GRIP1: variants seen among roughly 807,000 people sequenced by gnomAD.
GRIP1 encodes the protein glutamate receptor interacting protein 1, also known as glutamate receptor-interacting protein 1.
A neutral mutation model predicts 129.9 loss-of-function variants in GRIP1; 45 were observed. The ratio of observed to expected loss-of-function variants is 0.35; its 90% CI spans 0.27 to 0.44. GRIP1 has a LOEUF of 0.44. Ranked by LOEUF, GRIP1 falls within the 20% of genes least tolerant of loss-of-function variation. GRIP1 has a pLI of 1.00. For synonymous variants in GRIP1, 530 were observed against 520.8 expected (o/e 1.02, Z -0.24); for missense variants, 1,196 against 1,396.8 (o/e 0.86, Z 2.29).
chr12:66,425,339 A>T (rs1387770249), intron 14 of GRIP1, among the ~76,000 whole-genome samples: 2 of 152,142 alleles, frequency 1.3e-5, no homozygotes, highest in Non-Finnish European at 2.9e-5. Context: ...GCTGGAGAGG[A>T]TGTGGAGAAA....
intron 1 of GRIP1, among the ~76,000 whole-genome samples, chr12:66,837,257 C>T (rs1284366950): frequency 6.6e-6 from 1 of 152,140 alleles, no homozygotes; most frequent in Non-Finnish European, 1.5e-5. Flanking sequence ...ATCTTTGATG[C>T]CCTCACATTA....
intron 1 of GRIP1, among the ~76,000 whole-genome samples, chr12:66,948,593 A>G (rs910645769): frequency 3.3e-5 from 5 of 152,156 alleles, no homozygotes; most frequent in African/African-American, 1.2e-4. Flanking sequence ...GTGGCAAGAT[A>G]AGCTACTGTA....
chr12:66,483,907 T>C (rs1005467929), intron 7 of GRIP1, among the ~76,000 whole-genome samples: 4 of 151,720 alleles, frequency 2.6e-5, no homozygotes, highest in Admixed American at 6.6e-5. Flanking sequence ...TCGCCCAGGC[T>C]GGAGTGCAGT....
chr12:66,684,402 C>G (rs2034701677), intron 1 of GRIP1, among the ~76,000 whole-genome samples: 2 of 152,126 alleles, frequency 1.3e-5, no homozygotes, highest in African/African-American at 4.8e-5. Context: ...CTTTCTCTAC[C>G]CTTAAATGTC....
At chr12:66,357,953 G>C (rs2054571026) in intron 23 of GRIP1, among the ~76,000 whole-genome samples, 1 of 152,156 alleles carries the variant, frequency 6.6e-6, no homozygotes, top group Non-Finnish European at 1.5e-5. Context: ...GAGTGCAGTG[G>C]CACAATCTCG....
At chr12:66,756,374 C>G (rs1209075363) in intron 1 of GRIP1, among the ~76,000 whole-genome samples, 1 of 152,182 alleles carries the variant, frequency 6.6e-6, no homozygotes, top group Non-Finnish European at 1.5e-5. Flanking sequence ...TCGATCTTTG[C>G]TTCAGGGTAG....
intron 1 of GRIP1, among the ~76,000 whole-genome samples, chr12:66,833,174 C>T (rs1050788413): frequency 1.3e-5 from 2 of 152,182 alleles, no homozygotes; most frequent in East Asian, 3.9e-4. Flanking sequence ...GTGTTTGATT[C>T]AGTCTTGAGT....
At chr12:67,023,917 A>ATT (rs201735587) in intron 1 of GRIP1, among the ~76,000 whole-genome samples, 1 of 151,464 alleles carries the variant, frequency 6.6e-6, no homozygotes, top group African/African-American at 2.4e-5. Context: ...CTTTTCTTTG[A>ATT]TTTTTTTTCT....
intron 2 of GRIP1, among the ~76,000 whole-genome samples, chr12:66,594,197 A>G (rs1003586840): frequency 1.3e-5 from 2 of 152,076 alleles, no homozygotes; most frequent in Non-Finnish European, 2.9e-5. Flanking sequence ...AGAAGGTCAG[A>G]AACTAGTACA....
At chr12:66,535,178 C>A (rs944849242) in intron 4 of GRIP1, among the ~76,000 whole-genome samples, 1 of 152,102 alleles carries the variant, frequency 6.6e-6, no homozygotes, top group Non-Finnish European at 1.5e-5. Flanking sequence ...TCACTATTAG[C>A]CTTTGCCTAA....
intron 23 of GRIP1, among the ~76,000 whole-genome samples, chr12:66,368,952 C>T (rs368623680): frequency 3.3e-5 from 5 of 152,106 alleles, no homozygotes; most frequent in African/African-American, 1.2e-4. Flanking sequence ...GAACAGACAC[C>T]CAAGATGCGA....
intron 1 of GRIP1, among the ~76,000 whole-genome samples, chr12:66,888,222 AT>A (rs11375042): frequency 9.1e-6 from 1 of 110,090 alleles, no homozygotes; most frequent in African/African-American, 4.5e-5. Context: ...CACCCAGCTA[AT>A]TTTTTTTCAT....
Position 66,353,494 on chromosome 12 carries a change from C to G in GRIP1, c.3082G>C (p.Gly1028Arg). ...FSVADGLLEK[G>R]VYVKNIRPAG... ...GGGCGAATATTTTTGACATACACTC[C>G]TTTCTCCAGTAAGCCATCTGCTACA... The change falls in exon 24 of 25, where the codon GGA becomes CGA. Residue 1028 changes from glycine to arginine, a missense_variant. By Grantham distance (125) the Gly-to-Arg change is moderately radical. This residue lies in a region of GRIP1 where 427 missense variants were observed against 463.3 expected (regional missense o/e 0.92). Coordinates refer to ENST00000359742, the MANE Select transcript of GRIP1 (RefSeq NM_001366722.1). The G allele has an allele frequency of 6.2e-7, 1 of 1,613,076 alleles. No individual in the cohort carries two copies. The highest frequency in any genetic ancestry group is 8.5e-7 in the Non-Finnish European group (1 of 1,179,092).
chr12:66,857,879 A>C (rs2040035086), intron 1 of GRIP1, among the ~76,000 whole-genome samples: 1 of 152,028 alleles, frequency 6.6e-6, no homozygotes, highest in Admixed American at 6.6e-5. Context: ...AAGCTTATCA[A>C]GTGTGCAGAG....
chr12:66,447,795 A>C (rs1198100474), intron 11 of GRIP1, among the ~76,000 whole-genome samples: 2 of 152,148 alleles, frequency 1.3e-5, no homozygotes, highest in African/African-American at 4.8e-5. Flanking sequence ...AAGTGGCTAA[A>C]AACTTGGCTT....
intron 1 of GRIP1, among the ~76,000 whole-genome samples, chr12:66,763,112 A>C (rs2037524382): frequency 6.6e-6 from 1 of 152,148 alleles, no homozygotes; most frequent in South Asian, 2.1e-4. Context: ...TTTATAAAAA[A>C]TTTATAATTT....
chr12:67,053,859 A>C (rs2043388720), intron 1 of GRIP1, among the ~76,000 whole-genome samples: 1 of 152,014 alleles, frequency 6.6e-6, no homozygotes, highest in Non-Finnish European at 1.5e-5. Flanking sequence ...AATAAATATA[A>C]ATAAAAATTA....
intron 7 of GRIP1, among the ~76,000 whole-genome samples, chr12:66,469,426 T>C (rs538846576): frequency 7.9e-5 from 12 of 152,236 alleles, no homozygotes; most frequent in Admixed American, 2.6e-4. Context: ...TGATTCTTGA[T>C]AACTATGTTT....
chr12:66,392,878 T>G, intron 17 of GRIP1, 62 bp from the exon 18 acceptor site: 1 of 1,439,204 alleles, frequency 6.9e-7, no homozygotes, highest in Non-Finnish European at 9.8e-7. Flanking sequence ...TGAATATAAA[T>G]TCCCTGACAT....
Sources: gnomAD v4.1 joint callset for allele counts (sites outside exome capture counted in the v4.1 genomes callset) on GRCh38, gnomAD v4.1.1 for gene constraint, gnomAD v4.1.1 regional missense constraint, MANE v1.5 for transcripts, NCBI Gene and HGNC (gene_info 2026-07-23, HGNC 2026-07-21) for gene names.